ANKRD33B: variants seen among roughly 807,000 people sequenced by gnomAD.
The protein encoded by ANKRD33B is ankyrin repeat domain 33B, also known as ankyrin repeat domain-containing protein 33B.
Under a neutral mutation model 21.5 loss-of-function variants are expected in ANKRD33B, and 6 were observed. The ratio of observed to expected loss-of-function variants is 0.28; its 90% CI spans 0.15 to 0.55. ANKRD33B has a LOEUF of 0.55. Among genes scored for constraint, ANKRD33B ranks in the 20% least tolerant of loss-of-function variants. The pLI, the probability that ANKRD33B is intolerant of heterozygous loss-of-function variation, is 0.94. For missense variants in ANKRD33B, 698 were observed against 747.2 expected (o/e 0.93, Z 0.77); for synonymous variants, 347 against 342.4 (o/e 1.01, Z -0.15).
At chr5:10,642,438 C>T (rs1395718064) in intron 3 of ANKRD33B, among the ~76,000 whole-genome samples, 1 of 152,168 alleles carries the variant, frequency 6.6e-6, no homozygotes, top group East Asian at 1.9e-4. Context: ...TGAGTCTCTC[C>T]CTGTCCTATA....
chr5:10,582,543 T>G (rs566736480), intron 1 of ANKRD33B, among the ~76,000 whole-genome samples: 106 of 152,384 alleles, frequency 7.0e-4, no homozygotes, highest in African/African-American at 2.4e-3. Flanking sequence ...TTATTTTCTT[T>G]TTAACAACAG....
intron 1 of ANKRD33B, among the ~76,000 whole-genome samples, chr5:10,585,612 G>A (rs1311713249): frequency 6.6e-6 from 1 of 152,236 alleles, no homozygotes; most frequent in African/African-American, 2.4e-5. Flanking sequence ...CCCTGGAGAT[G>A]TGGCTGCCCA....
At chr5:10,646,016 C>T (rs1165680675) in intron 3 of ANKRD33B, among the ~76,000 whole-genome samples, 2 of 152,318 alleles carry the variant, frequency 1.3e-5, no homozygotes, top group African/African-American at 4.8e-5. Flanking sequence ...CAGGACAGCC[C>T]ACACCAAATA....
At chr5:10,602,770 C>G (rs1355386791) in intron 1 of ANKRD33B, among the ~76,000 whole-genome samples, 1 of 151,498 alleles carries the variant, frequency 6.6e-6, no homozygotes, top group East Asian at 1.9e-4. Flanking sequence ...TGATCATAGT[C>G]TATAGATCCT....
At chr5:10,643,030 G>A (rs569837704) in intron 3 of ANKRD33B, among the ~76,000 whole-genome samples, 1 of 152,184 alleles carries the variant, frequency 6.6e-6, no homozygotes, top group African/African-American at 2.4e-5. Context: ...TCAGCCTCCT[G>A]AGTAGCTAGG....
At chr5:10,587,215 A>G (rs1394275030) in intron 1 of ANKRD33B, among the ~76,000 whole-genome samples, 4 of 151,958 alleles carry the variant, frequency 2.6e-5, no homozygotes, top group African/African-American at 9.7e-5. Context: ...GGGTTTCACC[A>G]TGTTGGCCAG....
chr5:10,627,128 A>G (rs1736570913), intron 2 of ANKRD33B: 1 of 152,204 alleles, frequency 6.6e-6, no homozygotes, highest in Non-Finnish European at 1.5e-5. Flanking sequence ...AGGTCTGTAA[A>G]TGGAGAGAAC....
intron 2 of ANKRD33B, among the ~76,000 whole-genome samples, chr5:10,625,615 C>T (rs1736527895): frequency 6.6e-6 from 1 of 152,210 alleles, no homozygotes; most frequent in Admixed American, 6.5e-5. Context: ...TGAGAGGCTG[C>T]GTTATGACTG....
intron 2 of ANKRD33B, among the ~76,000 whole-genome samples, chr5:10,630,505 A>G (rs1300156530): frequency 1.3e-5 from 2 of 152,264 alleles, no homozygotes; most frequent in African/African-American, 2.4e-5. Flanking sequence ...AAGATGGGCC[A>G]TTAGTGCATT....
At chr5:10,623,559 T>A (rs1352325159) in intron 2 of ANKRD33B, among the ~76,000 whole-genome samples, 1 of 152,222 alleles carries the variant, frequency 6.6e-6, no homozygotes, top group Non-Finnish European at 1.5e-5. Context: ...CCTGCTGTAG[T>A]GTCATCCTGG....
rs1176508901 is a variant in ANKRD33B, at chr5:10,619,042, C to T, written c.496+580C>T. On this transcript the variant is annotated intron_variant, in intron 2 of 3. Coordinates refer to ENST00000296657, the MANE Select transcript of ANKRD33B (RefSeq NM_001164440.2). The surrounding 1 kb of genome is among the most constrained non-coding windows in gnomAD (Gnocchi z 4.5). ...AAGACAGTGCTTATGTCAATATTGC[C>T]AAGTGCATTGCGACTCTCCTGCTTT... 6.6e-6 allele frequency among the ~76,000 whole-genome samples: 1 copy of T among 152,130 alleles called. No homozygotes were observed. Among genetic ancestry groups the T allele is most frequent in the Non-Finnish European group, 1.5e-5 (1 of 68,028 alleles).
intron 2 of ANKRD33B, among the ~76,000 whole-genome samples, chr5:10,634,504 G>A (rs569253276): frequency 6.9e-6 from 1 of 145,290 alleles, no homozygotes; most frequent in African/African-American, 2.5e-5. Flanking sequence ...CTGTCGTCCA[G>A]GCTGGAGTTC....
In ANKRD33B at chr5:10,639,795, A is replaced by C. The variant is rs368106151; in HGVS notation, c.637+1627A>C. On this transcript the variant is annotated intron_variant, in intron 3 of 3. Coordinates refer to ENST00000296657, the MANE Select transcript of ANKRD33B (RefSeq NM_001164440.2). ...GCGGCGATGTTAGGCGGTGACGCGG[A>C]GTTGCGCGGCGATGTTAGCGGGTGA... Among the ~76,000 whole-genome samples, 11 of 8,406 alleles carry C rather than the reference A, an allele frequency of 1.3e-3. 1 individual carries two copies. The highest frequency in any genetic ancestry group is 6.4e-3 in the South Asian group (1 of 156). 5.5% of individuals were successfully genotyped at this position (8,406 alleles called of 152,430 possible).
intron 1 of ANKRD33B, among the ~76,000 whole-genome samples, chr5:10,566,505 C>T (rs547756160): frequency 6.6e-6 from 1 of 152,244 alleles, no homozygotes; most frequent in African/African-American, 2.4e-5. Context: ...TCCCCCTGTC[C>T]TGGGCAGCCT....
At chr5:10,572,739 C>G (rs948778795) in intron 1 of ANKRD33B, among the ~76,000 whole-genome samples, 2 of 152,194 alleles carry the variant, frequency 1.3e-5, no homozygotes, top group African/African-American at 4.8e-5. Context: ...GCACTTAACA[C>G]CCTTCACTGG....
chr5:10,612,734 CT>C (rs1019001939), intron 1 of ANKRD33B, among the ~76,000 whole-genome samples: 1 of 152,184 alleles, frequency 6.6e-6, no homozygotes, highest in African/African-American at 2.4e-5. Flanking sequence ...GCGCAAGATT[CT>C]TTTCTTAGAC....
intron 1 of ANKRD33B, among the ~76,000 whole-genome samples, chr5:10,614,075 C>T (rs1263592064): frequency 1.3e-5 from 2 of 149,496 alleles, no homozygotes; most frequent in Non-Finnish European, 1.5e-5. Context: ...CTGGCGTGTG[C>T]GATTGTAGGG....
chr5:10,570,888 C>T (rs1032200856), intron 1 of ANKRD33B, among the ~76,000 whole-genome samples: 1 of 147,032 alleles, frequency 6.8e-6, no homozygotes, highest in Non-Finnish European at 1.5e-5. Flanking sequence ...TCTTTAACAA[C>T]ATGACTCAAA....
intron 1 of ANKRD33B, 118 bp from the exon 2 acceptor site, chr5:10,618,215 C>T: frequency 7.5e-7 from 1 of 1,337,096 alleles, no homozygotes; most frequent in South Asian, 1.4e-5. Flanking sequence ...GACTCCAGGT[C>T]CCTGTCATTG....
Sources: allele counts gnomAD v4.1 joint callset (sites outside exome capture counted in the v4.1 genomes callset), GRCh38; gene constraint gnomAD v4.1.1; non-coding constraint Gnocchi (gnomAD v3.1); transcripts MANE v1.5; gene names NCBI Gene and HGNC (gene_info 2026-07-23, HGNC 2026-07-21).